Variants in PRLR observed in about 807,000 individuals in gnomAD.
PRLR encodes the protein hPRL receptor.
In PRLR, 13 loss-of-function variants were observed where a neutral mutation model predicts 40.2. That is an observed-to-expected ratio of 0.32 (90% CI 0.21 to 0.51). The LOEUF (loss-of-function observed/expected upper bound fraction) is 0.51. Among genes scored for constraint, PRLR ranks in the 20% least tolerant of loss-of-function variants. The pLI is 0.97. For synonymous variants in PRLR, 269 were observed against 278.7 expected (o/e 0.97, Z 0.35); for missense variants, 656 against 747.3 (o/e 0.88, Z 1.42).
Position 35,060,288 on chromosome 5 carries a change from C to T in PRLR, c.*4801G>A, listed in dbSNP as rs1399023518. On this transcript the variant is annotated 3_prime_UTR_variant, in exon 10 of 10. Transcript: ENST00000618457. ...CTAACTCTTAGGAAAATAGTAGGCT[C>T]TGGAGAAGGAGTAAAAACCCTACAA... is the stretch of plus-strand genomic sequence containing the variant. 1 of 152,042 alleles carries T rather than the reference C, an allele frequency of 6.6e-6. No individual in the cohort carries two copies. Among genetic ancestry groups the T allele is most frequent in the Non-Finnish European group, 1.5e-5 (1 of 68,008 alleles). 9.4% of individuals were successfully genotyped at this position (152,042 alleles called of 1,614,324 possible).
At chr5:35,158,793 G>C (rs112579815) in intron 1 of PRLR, among the ~76,000 whole-genome samples, 2,936 of 152,198 alleles carry the variant, frequency 0.019, 106 homozygotes, top group African/African-American at 0.068. Context: ...GGAAAGGCTG[G>C]AGCCCGTCTT....
intron 1 of PRLR, among the ~76,000 whole-genome samples, chr5:35,208,177 G>GCACACACACACA (rs1281536944): frequency 9.2e-5 from 8 of 87,150 alleles, no homozygotes; most frequent in African/African-American, 2.7e-4. Flanking sequence ...CCACGCGCGC[G>GCACACACACACA]CACACACACA....
intron 1 of PRLR, among the ~76,000 whole-genome samples, chr5:35,204,347 T>C (rs1775958055): frequency 6.6e-6 from 1 of 152,034 alleles, no homozygotes; most frequent in Admixed American, 6.6e-5. Flanking sequence ...AAGTGAGAAG[T>C]TGAGATGTTT....
intron 1 of PRLR, among the ~76,000 whole-genome samples, chr5:35,148,011 G>T (rs1163084187): frequency 2.6e-5 from 4 of 151,992 alleles, no homozygotes; most frequent in Admixed American, 1.3e-4. Context: ...AATACAGATA[G>T]AAAAACAACA....
chr5:35,107,016 A>G (rs1029167221), intron 2 of PRLR, among the ~76,000 whole-genome samples: 1 of 152,242 alleles, frequency 6.6e-6, no homozygotes, highest in African/African-American at 2.4e-5. Flanking sequence ...CAGAAATTAT[A>G]ACAAACTGTC....
At chr5:35,205,016 C>T (rs1775977993) in intron 1 of PRLR, among the ~76,000 whole-genome samples, 1 of 152,048 alleles carries the variant, frequency 6.6e-6, no homozygotes, top group Admixed American at 6.6e-5. Flanking sequence ...CTTACAAATG[C>T]TAAAGGCTGC....
chr5:35,126,420 A>G (rs1773467603), intron 1 of PRLR, among the ~76,000 whole-genome samples: 2 of 152,084 alleles, frequency 1.3e-5, no homozygotes, highest in Non-Finnish European at 2.9e-5. Context: ...TTTCCCCCTC[A>G]TCGGTTTTGG....
chr5:35,094,400 T>A lies in PRLR; in HGVS notation c.-43-4737A>T, dbSNP rs181278039. On this transcript the variant is annotated intron_variant, in intron 2 of 9. Coordinates refer to ENST00000618457, the MANE Select transcript of PRLR (RefSeq NM_000949.7). ...ATTTCATCTCATTCATTTTCATTCATGTTATATTGAATGAAATACCATAAC... is the reference window on the plus strand; with the variant it reads ...ATTTCATCTCATTCATTTTCATTCAAGTTATATTGAATGAAATACCATAAC... 3.4e-3 allele frequency among the ~76,000 whole-genome samples: 515 copies of A among 152,300 alleles called. 3 individuals carry two copies. The highest frequency in any genetic ancestry group is 0.017 in the Middle Eastern group (5 of 294).
In PRLR at chr5:35,068,229, G is replaced by A. The variant is rs758900578; in HGVS notation, c.842C>T (p.Ala281Val). The A allele has an allele frequency of 6.2e-6, 10 of 1,612,358 alleles. No individual in the cohort carries two copies. Among genetic ancestry groups the A allele is most frequent in the South Asian group, 5.5e-5 (5 of 91,058 alleles). Residue 281 changes from alanine to valine, a missense_variant, in exon 9 of 10, where the codon GCT (alanine) becomes GTT (valine). Coordinates refer to ENST00000618457, the MANE Select transcript of PRLR (RefSeq NM_000949.7). ...TCCTGTACTTACCTCCAACAGATGA[G>A]CATCAAATCCTTTTATTTTTGGCCC... Reference protein sequence around the residue: ...VPGPKIKGFDAHLLEKGKSEE... With the variant: ...VPGPKIKGFDVHLLEKGKSEE...
intron 2 of PRLR, among the ~76,000 whole-genome samples, chr5:35,114,643 G>A (rs1772899136): frequency 6.6e-6 from 1 of 152,178 alleles, no homozygotes; most frequent in South Asian, 2.1e-4. Flanking sequence ...TGTGTCACTA[G>A]GGTGGAGATT....
intron 2 of PRLR, among the ~76,000 whole-genome samples, chr5:35,092,543 G>C (rs1343614073): frequency 6.6e-6 from 1 of 152,094 alleles, no homozygotes; most frequent in Non-Finnish European, 1.5e-5. Flanking sequence ...CACTAAGCTG[G>C]GGATAAATTA....
intron 1 of PRLR, among the ~76,000 whole-genome samples, chr5:35,218,823 A>G (rs1776348452): frequency 6.6e-6 from 1 of 151,996 alleles, no homozygotes; most frequent in Non-Finnish European, 1.5e-5. Flanking sequence ...CCAGCCTCAG[A>G]TGGCCGTGGG....
intron 1 of PRLR, among the ~76,000 whole-genome samples, chr5:35,143,418 G>A: frequency 6.6e-6 from 1 of 152,174 alleles, no homozygotes; most frequent in Non-Finnish European, 1.5e-5. Context: ...GAAACGATAG[G>A]TAAATATTCT....
intron 1 of PRLR, chr5:35,195,827 T>C (rs2111585643): frequency 6.6e-6 from 1 of 152,322 alleles, no homozygotes; most frequent in Admixed American, 6.5e-5. Flanking sequence ...TTTGTTTCAG[T>C]TGGTTCCAGG....
rs1774366955 is a variant in PRLR, at chr5:35,152,381, T to C, written c.-105-34259A>G. ...GGATGATTTATGTTTCAGAAATAGG[T>C]GGTGCCTAAGCTATTACTACATTAT... On this transcript the variant is annotated intron_variant, in intron 1 of 9. Coordinates refer to ENST00000618457, the MANE Select transcript of PRLR (RefSeq NM_000949.7). 2.0e-5 allele frequency among the ~76,000 whole-genome samples: 3 copies of C among 152,184 alleles called. No homozygotes were observed. In the South Asian group the frequency reaches 6.2e-4, roughly 32 times the overall value.
At chr5:35,124,394 G>A (rs1052378498) in intron 1 of PRLR, among the ~76,000 whole-genome samples, 12 of 152,026 alleles carry the variant, frequency 7.9e-5, no homozygotes, top group Non-Finnish European at 1.3e-4. Context: ...CTGAGACAAC[G>A]TAAAATCCTA....
In PRLR at chr5:35,135,997, A is replaced by G. The variant is rs528351017; in HGVS notation, c.-105-17875T>C. ...AACTGGGAAATATGGCCACGATAAG[A>G]AAGCAGCAATGTGAGAAGCAGCTGA... On this transcript the variant is annotated intron_variant, in intron 1 of 9. Coordinates refer to ENST00000618457, the MANE Select transcript of PRLR (RefSeq NM_000949.7). Among the ~76,000 whole-genome samples the G allele has an allele frequency of 3.3e-5, 5 of 152,356 alleles. No individual in the cohort carries two copies. The East Asian group carries it at 9.6e-4, about 29-fold the overall frequency.
chr5:35,169,856 T>C (rs887411300), intron 1 of PRLR, among the ~76,000 whole-genome samples: 4 of 152,222 alleles, frequency 2.6e-5, no homozygotes, highest in Admixed American at 2.6e-4. Context: ...GTTTCTTGCA[T>C]AGTCTGCGTT....
intron 2 of PRLR, among the ~76,000 whole-genome samples, chr5:35,117,106 G>C (rs1398232575): frequency 1.3e-5 from 2 of 152,122 alleles, no homozygotes; most frequent in African/African-American, 4.8e-5. Context: ...ATGATGCACA[G>C]AGGAGCCCCA....
Sources: allele counts gnomAD v4.1 joint callset (sites outside exome capture counted in the v4.1 genomes callset), GRCh38; gene constraint gnomAD v4.1.1; transcripts MANE v1.5; gene names NCBI Gene and HGNC (gene_info 2026-07-23, HGNC 2026-07-21).